PRICKLE2: variants seen among roughly 807,000 people sequenced by gnomAD.
PRICKLE2 encodes prickle planar cell polarity protein 2.
PRICKLE2 carries 21 observed loss-of-function variants against 81.4 expected under a neutral mutation model. That is an observed-to-expected ratio of 0.26 (90% CI 0.18 to 0.37). The LOEUF is 0.37. Among genes scored for constraint, PRICKLE2 ranks in the 10% least tolerant of loss-of-function variants. The probability of loss-of-function intolerance (pLI) is 1.00; values close to 1 mark genes in which losing one functional copy is unlikely to be tolerated. For synonymous variants in PRICKLE2, 456 were observed against 421.5 expected (o/e 1.08, Z -1.00); for missense variants, 940 against 1,109.0 (o/e 0.85, Z 2.16).
chr3:64,256,626 G>A (rs1301155640), intron 2 of PRICKLE2, among the ~76,000 whole-genome samples: 2 of 152,136 alleles, frequency 1.3e-5, no homozygotes, highest in Non-Finnish European at 2.9e-5. Context: ...CTGGCACAAA[G>A]TTACTCAACT....
At chr3:64,135,628 A>G (rs990114984) in intron 7 of PRICKLE2, among the ~76,000 whole-genome samples, 7 of 151,794 alleles carry the variant, frequency 4.6e-5, no homozygotes, top group Admixed American at 4.6e-4. Flanking sequence ...TGATGGTCTG[A>G]TTTTGATTTG....
chr3:64,126,687 C>G (rs530585303), intron 7 of PRICKLE2, among the ~76,000 whole-genome samples: 2 of 152,324 alleles, frequency 1.3e-5, no homozygotes, highest in South Asian at 4.1e-4. Context: ...AAGCTATTCT[C>G]CTGCCTCAGC....
At chr3:64,195,506 C>A (rs1332225930) in intron 2 of PRICKLE2, among the ~76,000 whole-genome samples, 1 of 152,152 alleles carries the variant, frequency 6.6e-6, no homozygotes, top group Non-Finnish European at 1.5e-5. Context: ...CCTAACTGGT[C>A]TTTAATATTT....
At position 64,096,503 on chromosome 3, in the gene PRICKLE2, T is replaced by A. The variant is rs2076574520; in HGVS notation, c.*2548A>T. 6.6e-6 allele frequency: 1 copy of A among 152,244 alleles called. No individual in the cohort carries two copies. The highest frequency in any genetic ancestry group is 6.5e-5 in the Admixed American group (1 of 15,286). 9.4% of individuals were successfully genotyped at this position (152,244 alleles called of 1,614,324 possible). A position where few individuals can be genotyped will look rare whatever the true frequency, so the allele number is the denominator to read the frequency against. On this transcript the variant is annotated 3_prime_UTR_variant, in exon 8 of 8. Transcript: ENST00000638394. ...CATCATTGTAAGGAATTGGCCTTCC[T>A]CATTCAGCATTCTCTGTAAGGTTGC...
At chr3:64,121,892 A>C (rs704384) in intron 7 of PRICKLE2, among the ~76,000 whole-genome samples, 131,883 of 152,186 alleles carry the variant, frequency 0.87, 57,251 homozygotes, top group East Asian at 1. Context: ...CCAGTGAGAT[A>C]CTGAATAAAT....
chr3:64,113,876 C>T (rs2076891479), intron 7 of PRICKLE2, among the ~76,000 whole-genome samples: 1 of 152,198 alleles, frequency 6.6e-6, no homozygotes, highest in South Asian at 2.1e-4. Flanking sequence ...CAACCACACA[C>T]ATAATCTCCA....
In PRICKLE2 at chr3:64,254,643, A is replaced by G. The variant is rs149119128; in HGVS notation, c.129-55676T>C. Among the ~76,000 whole-genome samples the G allele has an allele frequency of 4.7e-3, 710 of 152,320 alleles. 8 individuals carry two copies. Among genetic ancestry groups the G allele is most frequent in the African/African-American group, 0.016 (676 of 41,562 alleles). On this transcript the variant is annotated intron_variant, in intron 2 of 8. Transcript: ENST00000295902. ...TTCTTCCACCCACGCAGTCCTAGTC[A>G]TTCTTTGAGCCCAGATCAAATGTCA...
intron 7 of PRICKLE2, among the ~76,000 whole-genome samples, chr3:64,106,304 C>A (rs114168449): frequency 6.6e-6 from 1 of 152,254 alleles, no homozygotes; most frequent in African/African-American, 2.4e-5. Context: ...GGCCAGTGAA[C>A]CAAATCCAGC....
intron 2 of PRICKLE2, among the ~76,000 whole-genome samples, chr3:64,265,391 C>T (rs1446543025): frequency 1.3e-5 from 2 of 152,280 alleles, no homozygotes; most frequent in Middle Eastern, 3.4e-3. Flanking sequence ...TCTGCTTCCT[C>T]TCATTGACAT....
chr3:64,193,840 C>T (rs528023101), intron 2 of PRICKLE2, among the ~76,000 whole-genome samples: 1 of 152,258 alleles, frequency 6.6e-6, no homozygotes, highest in African/African-American at 2.4e-5. Flanking sequence ...ACATGACTTG[C>T]TCCTCCTTGC....
chr3:64,161,851 T>G (rs1298000722), intron 3 of PRICKLE2, among the ~76,000 whole-genome samples: 4 of 152,152 alleles, frequency 2.6e-5, no homozygotes, highest in Non-Finnish European at 4.4e-5. Flanking sequence ...CCTTCCTGCT[T>G]GTAAAAACCC....
intron 7 of PRICKLE2, among the ~76,000 whole-genome samples, chr3:64,122,580 C>G (rs2077043294): frequency 6.6e-6 from 1 of 152,174 alleles, no homozygotes; most frequent in Non-Finnish European, 1.5e-5. Flanking sequence ...ACTGGCTGCC[C>G]TCACTTGTGG....
chr3:64,161,598 T>A (rs2077735088), intron 3 of PRICKLE2, among the ~76,000 whole-genome samples: 1 of 151,732 alleles, frequency 6.6e-6, no homozygotes, highest in African/African-American at 2.4e-5. Flanking sequence ...TTCCTACCAA[T>A]GGGACATTGT....
intron 2 of PRICKLE2, among the ~76,000 whole-genome samples, chr3:64,262,496 C>T (rs2079630455): frequency 6.6e-6 from 1 of 151,978 alleles, no homozygotes; most frequent in Non-Finnish European, 1.5e-5. Context: ...GAGGTCCAGG[C>T]TGGAGATGTG....
intron 6 of PRICKLE2, among the ~76,000 whole-genome samples, chr3:64,152,697 C>A (rs546789345): frequency 6.6e-6 from 1 of 152,070 alleles, no homozygotes; most frequent in South Asian, 2.1e-4. Flanking sequence ...TTAGATTTTC[C>A]TTCTGAGCTT....
intron 1 of PRICKLE2, among the ~76,000 whole-genome samples, chr3:64,213,415 A>G (rs1428302048): frequency 6.6e-6 from 1 of 152,212 alleles, no homozygotes; most frequent in Non-Finnish European, 1.5e-5. Flanking sequence ...AATAAGGCAG[A>G]CAGGTTAGAC....
intron 5 of PRICKLE2, 75 bp from the exon 6 acceptor site, chr3:64,153,443 G>T: frequency 7.1e-7 from 1 of 1,415,984 alleles, no homozygotes; most frequent in Non-Finnish European, 9.9e-7. Flanking sequence ...AAGCTATGGG[G>T]TCCTTGAACT....
intron 2 of PRICKLE2, among the ~76,000 whole-genome samples, chr3:64,230,803 C>T (rs1475328420): frequency 1.3e-5 from 2 of 152,154 alleles, no homozygotes; most frequent in Non-Finnish European, 2.9e-5. Flanking sequence ...ATTAGATGAA[C>T]TGAGATATAT....
chr3:64,198,436 C>T (rs1295875917), intron 2 of PRICKLE2, among the ~76,000 whole-genome samples: 1 of 152,014 alleles, frequency 6.6e-6, no homozygotes, highest in Non-Finnish European at 1.5e-5. Context: ...TATAAAAGAG[C>T]TTCTTAAACA....
Sources: allele counts gnomAD v4.1 joint callset (sites outside exome capture counted in the v4.1 genomes callset), GRCh38; gene constraint gnomAD v4.1.1; transcripts MANE v1.5; gene names NCBI Gene and HGNC (gene_info 2026-07-23, HGNC 2026-07-21).